The following GTF2IRD1 variants were observed in gnomAD, a reference collection of about 807,000 sequenced individuals.
The protein encoded by GTF2IRD1 is GTF2I repeat domain containing 1, also known as general transcription factor II-I repeat domain-containing protein 1.
A neutral mutation model predicts 113.2 loss-of-function variants in GTF2IRD1; 26 were observed. The observed-to-expected ratio is 0.23, with a 90% CI of 0.17 to 0.32. The LOEUF (loss-of-function observed/expected upper bound fraction) is 0.32. Ranked by LOEUF, GTF2IRD1 falls within the 10% of genes least tolerant of loss-of-function variation. The pLI, the probability that GTF2IRD1 is intolerant of heterozygous loss-of-function variation, is 1.00. For synonymous variants in GTF2IRD1, 484 were observed against 529.1 expected (o/e 0.91, Z 1.17); for missense variants, 864 against 1,280.8 (o/e 0.67, Z 4.97).
intron 8 of GTF2IRD1, among the ~76,000 whole-genome samples, chr7:74,528,236 A>G (rs1797717396): frequency 6.6e-6 from 1 of 152,196 alleles, no homozygotes; most frequent in Non-Finnish European, 1.5e-5. Context: ...TTTTTCAGAC[A>G]GTCTCGCTCT....
intron 2 of GTF2IRD1, among the ~76,000 whole-genome samples, chr7:74,511,702 G>A (rs1467822218): frequency 1.3e-5 from 2 of 152,166 alleles, no homozygotes; most frequent in Non-Finnish European, 2.9e-5. Context: ...CCCAGGCCAC[G>A]CAGCACAGAA....
intron 1 of GTF2IRD1, among the ~76,000 whole-genome samples, chr7:74,503,237 A>G (rs1554340006): frequency 6.6e-6 from 1 of 151,950 alleles, no homozygotes; most frequent in African/African-American, 2.4e-5. Context: ...GGTAGGGCAC[A>G]GGAGCCCGGG....
At chr7:74,531,264 G>A (rs147113285) in intron 9 of GTF2IRD1, among the ~76,000 whole-genome samples, 52 of 151,700 alleles carry the variant, frequency 3.4e-4, no homozygotes, top group East Asian at 7.8e-4. Flanking sequence ...CCAGCTACTC[G>A]GGAGGCTGAG....
chr7:74,526,342 C>T (rs1473570443), intron 8 of GTF2IRD1, among the ~76,000 whole-genome samples: 3 of 152,166 alleles, frequency 2.0e-5, no homozygotes, highest in Admixed American at 2.0e-4. Flanking sequence ...GGCAGCTGCC[C>T]AGTACTGGGG....
At chr7:74,571,401 C>T (rs1300685505) in intron 22 of GTF2IRD1, among the ~76,000 whole-genome samples, 1 of 152,204 alleles carries the variant, frequency 6.6e-6, no homozygotes, top group African/African-American at 2.4e-5. Flanking sequence ...CCCTTCAGGC[C>T]TGGCCCTGGT....
In GTF2IRD1 at chr7:74,464,515, C is replaced by T. The variant is rs149198636; in HGVS notation, c.-7+10339C>T. Among the ~76,000 whole-genome samples the T allele has an allele frequency of 3.9e-4, 60 of 152,202 alleles. 1 individual carries two copies. The Middle Eastern group carries it at 0.01, about 26-fold the overall frequency. Reference sequence around the variant, plus strand: ...AGGCTGGAGTGTAGTGGTGTGATCACGGCTCATGGCAGCCCCCCTCCTCCT... The same window carrying T: ...AGGCTGGAGTGTAGTGGTGTGATCATGGCTCATGGCAGCCCCCCTCCTCCT... On this transcript the variant is annotated intron_variant, in intron 1 of 26. Transcript: ENST00000424337.
intron 1 of GTF2IRD1, among the ~76,000 whole-genome samples, chr7:74,493,841 C>T (rs781928761): frequency 1.1e-4 from 16 of 152,054 alleles, no homozygotes; most frequent in African/African-American, 3.4e-4. Context: ...ATCTCAGCCT[C>T]CCAAGCAGCT....
In GTF2IRD1 at chr7:74,521,270, C is replaced by G. The variant is rs782629967; in HGVS notation, c.979C>G (p.Leu327Val). Residue 327 changes from leucine (L) to valine (V), a missense_variant, in exon 7 of 27, where the codon CTC becomes GTC. By Grantham distance (32) the Leu-to-Val change is conservative (BLOSUM62 1). This residue lies in a region of GTF2IRD1 where 195 missense variants were observed against 196.6 expected (regional missense o/e 0.99). Coordinates refer to ENST00000424337, the MANE Select transcript of GTF2IRD1 (RefSeq NM_005685.4). ...GAACGTCCATGCCTCCAAGCGCATTCTCTTCTCCATCGTCCATGACAAGTC... is the reference window on the plus strand; with the variant it reads ...GAACGTCCATGCCTCCAAGCGCATTGTCTTCTCCATCGTCCATGACAAGTC... ...IQNVHASKRI[L>V]FSIVHDKSEK... The G allele has an allele frequency of 6.2e-7, 1 of 1,611,066 alleles. No homozygotes were observed. The highest frequency in any genetic ancestry group is 1.1e-5 in the South Asian group (1 of 91,018).
At chr7:74,466,087 T>C (rs1291287059) in intron 1 of GTF2IRD1, among the ~76,000 whole-genome samples, 2 of 152,234 alleles carry the variant, frequency 1.3e-5, no homozygotes, top group Admixed American at 1.3e-4. Flanking sequence ...CCTCGGTTTC[T>C]GCTTCTGCAA....
At chr7:74,552,595 AT>A (rs1479627917) in intron 17 of GTF2IRD1, among the ~76,000 whole-genome samples, 4 of 152,146 alleles carry the variant, frequency 2.6e-5, no homozygotes, top group Non-Finnish European at 1.5e-5. Flanking sequence ...ATTTTATTTT[AT>A]TTTTTAAAAA....
chr7:74,497,233 CA>C (rs1554338316), intron 1 of GTF2IRD1, among the ~76,000 whole-genome samples: 1 of 152,130 alleles, frequency 6.6e-6, no homozygotes, highest in African/African-American at 2.4e-5. Context: ...GTATATACCC[CA>C]AATCATTGAA....
intron 11 of GTF2IRD1, 127 bp downstream of exon 11, chr7:74,536,402 G>A (rs1278871678): frequency 8.3e-6 from 5 of 602,194 alleles, no homozygotes; most frequent in Non-Finnish European, 5.9e-6. Context: ...TGCAAAGGGA[G>A]GGCAAGGGAA....
intron 2 of GTF2IRD1, among the ~76,000 whole-genome samples, chr7:74,511,643 G>A (rs2130097328): frequency 6.6e-6 from 1 of 152,332 alleles, no homozygotes; most frequent in East Asian, 1.9e-4. Context: ...GCGACTCCAG[G>A]CTGGGGCTGG....
At chr7:74,540,953 G>A (rs1268215517) in intron 14 of GTF2IRD1, among the ~76,000 whole-genome samples, 4 of 151,540 alleles carry the variant, frequency 2.6e-5, no homozygotes, top group Admixed American at 1.3e-4. Context: ...TAGTAGAGAC[G>A]GGGTTTCACC....
chr7:74,530,600 A>G (rs1797907425), intron 9 of GTF2IRD1, among the ~76,000 whole-genome samples: 1 of 149,132 alleles, frequency 6.7e-6, no homozygotes, highest in Non-Finnish European at 1.5e-5. Context: ...AAAAAAAAAA[A>G]AAAAAAAAAG....
chr7:74,491,544 G>C (rs1197333766), intron 1 of GTF2IRD1, among the ~76,000 whole-genome samples: 1 of 151,720 alleles, frequency 6.6e-6, no homozygotes, highest in South Asian at 2.1e-4. Flanking sequence ...TGTTCTCATT[G>C]TTCAGCTCCC....
At chr7:74,525,297 G>A (rs1183847206) in intron 8 of GTF2IRD1, among the ~76,000 whole-genome samples, 1 of 151,984 alleles carries the variant, frequency 6.6e-6, no homozygotes, top group African/African-American at 2.4e-5. Flanking sequence ...GTAGGCCTGG[G>A]TACCCTGATG....
In GTF2IRD1 at chr7:74,544,780, G is replaced by C; in HGVS notation, c.1644G>C (p.Arg548=). 6.8e-6 allele frequency: 11 copies of C among 1,613,934 alleles called. No homozygotes were observed. Among genetic ancestry groups the C allele is most frequent in the Non-Finnish European group, 8.5e-6 (10 of 1,179,942 alleles). The change falls in exon 15 of 27, where the codon CGG becomes CGC. Residue 548 remains arginine (R), a synonymous_variant. Coordinates refer to ENST00000424337, the MANE Select transcript of GTF2IRD1 (RefSeq NM_005685.4). Reference sequence around the variant, plus strand: ...ACAAAGGTCTGAGTGAGGACGCGCGGCCCGAGGAGAGGCCCGTGGAGGGTG... The same window carrying C: ...ACAAAGGTCTGAGTGAGGACGCGCGCCCCGAGGAGAGGCCCGTGGAGGGTG... The part of the protein sequence containing the change: ...LTDKGLSEDA[R]PEERPVEDSH...
At chr7:74,501,746 G>T (rs1796044823) in intron 1 of GTF2IRD1, among the ~76,000 whole-genome samples, 1 of 152,120 alleles carries the variant, frequency 6.6e-6, no homozygotes, top group Non-Finnish European at 1.5e-5. Context: ...CGACCTCCTG[G>T]GTTCGAGCGA....
Sources: gnomAD v4.1 joint callset for allele counts (sites outside exome capture counted in the v4.1 genomes callset) on GRCh38, gnomAD v4.1.1 for gene constraint, gnomAD v4.1.1 regional missense constraint, MANE v1.5 for transcripts, NCBI Gene and HGNC (gene_info 2026-07-23, HGNC 2026-07-21) for gene names.